The following CFH variants were observed in gnomAD, a reference collection of about 807,000 sequenced individuals.
CFH encodes complement factor H, also known as H factor 1 (complement).
Under a neutral mutation model 147.3 loss-of-function variants are expected in CFH, and 53 were observed. The ratio of observed to expected loss-of-function variants is 0.36; its 90% CI spans 0.29 to 0.45. The LOEUF (loss-of-function observed/expected upper bound fraction) is 0.45, where lower values mean the gene tolerates loss of function less well. CFH is among the 20% of genes least tolerant of loss of function. The pLI is 1.00. For missense variants in CFH, 1,380 were observed against 1,498.0 expected (o/e 0.92, Z 1.30); for synonymous variants, 536 against 489.4 (o/e 1.10, Z -1.26).
chr1:196,720,090 A>G (rs1668964407), intron 11 of CFH, among the ~76,000 whole-genome samples: 2 of 151,852 alleles, frequency 1.3e-5, no homozygotes, highest in Admixed American at 1.3e-4. Context: ...AGTCATCAAG[A>G]ATTATAAACA....
intron 9 of CFH, among the ~76,000 whole-genome samples, chr1:196,700,632 A>T (rs1485166042): frequency 1.4e-5 from 2 of 148,052 alleles, no homozygotes; most frequent in Non-Finnish European, 3.0e-5. Context: ...CCATCCTGGG[A>T]GACAGATTGA....
intron 2 of CFH, 68 bp downstream of exon 2, chr1:196,673,231 T>A (rs1343755936): frequency 2.3e-6 from 3 of 1,307,704 alleles, no homozygotes; most frequent in Non-Finnish European, 3.3e-6. Context: ...TTTAATATTG[T>A]AGCAATTATG....
At chr1:196,681,347 CACTTTGATACCT>C (rs3834020) in intron 6 of CFH, among the ~76,000 whole-genome samples, 33,861 of 151,310 alleles carry the variant, frequency 0.22, 4,490 homozygotes, top group East Asian at 0.51. Context: ...TTTACTTCTT[CACTTTGATACCT>C]ACTTAAAACT....
At position 196,737,070 on chromosome 1, in the gene CFH, C is replaced by T. The variant is rs428060; in HGVS notation, c.2596+64C>T. 12,643 of 1,371,492 alleles carry T rather than the reference C, an allele frequency of 9.2e-3. 700 individuals carry two copies. In the African/African-American group the frequency reaches 0.14, roughly 15 times the overall value. 85.0% of individuals were successfully genotyped at this position (1,371,492 alleles called of 1,614,324 possible). A position where few individuals can be genotyped will look rare whatever the true frequency, so the allele number is the denominator to read the frequency against. ...ATGAGGTTAATATTCTCTTGTGCTT[C>T]GTGTAAACAAGAGAGAAGTTCTTTC... On this transcript the variant is annotated intron_variant, in intron 16 of 21. Transcript: ENST00000367429.
At chr1:196,704,360 G>C (rs1312479956) in intron 9 of CFH, among the ~76,000 whole-genome samples, 1 of 152,156 alleles carries the variant, frequency 6.6e-6, no homozygotes, top group Admixed American at 6.5e-5. Flanking sequence ...CTCCCAAAGT[G>C]CTGGGAGCTG....
intron 1 of CFH, among the ~76,000 whole-genome samples, chr1:196,662,856 G>A (rs1157086376): frequency 1.3e-5 from 2 of 149,156 alleles, no homozygotes; most frequent in Non-Finnish European, 2.9e-5. Context: ...ACTCCAGCCT[G>A]GGCAATAGAG....
intron 17 of CFH, 34 bp from the exon 18 acceptor site, chr1:196,740,585 T>C (rs771369078): frequency 3.1e-6 from 5 of 1,602,750 alleles, no homozygotes; most frequent in South Asian, 2.2e-5. Context: ...AATTTATGAG[T>C]TAGTGAAACC....
intron 11 of CFH, among the ~76,000 whole-genome samples, chr1:196,717,617 A>G (rs537056517): frequency 6.6e-6 from 1 of 152,242 alleles, no homozygotes; most frequent in African/African-American, 2.4e-5. Context: ...TAACTCTTTC[A>G]AGATTCTGGC....
At chr1:196,739,568 C>T (rs1342302036) in intron 17 of CFH, among the ~76,000 whole-genome samples, 5 of 152,142 alleles carry the variant, frequency 3.3e-5, no homozygotes, top group Admixed American at 6.5e-5. Flanking sequence ...GTGACCACCC[C>T]ATCCTGGACT....
At chr1:196,736,712 CTATT>C (rs1371974272) in intron 15 of CFH, 108 bp from the exon 16 acceptor site, 5 of 418,842 alleles carry the variant, frequency 1.2e-5, no homozygotes, top group South Asian at 9.5e-5. Flanking sequence ...ATTGATCTTT[CTATT>C]TATTCTATTT....
intron 6 of CFH, 88 bp from the exon 7 acceptor site, chr1:196,684,976 A>T: frequency 9.7e-7 from 1 of 1,030,596 alleles, no homozygotes; most frequent in African/African-American, 1.6e-5. Context: ...GGACAAATAA[A>T]TAACACCCAC....
intron 11 of CFH, among the ~76,000 whole-genome samples, chr1:196,724,849 T>G (rs1301179669): frequency 6.6e-6 from 1 of 152,180 alleles, no homozygotes; most frequent in Non-Finnish European, 1.5e-5. Flanking sequence ...TTAATGTCAG[T>G]GATTAAAACT....
chr1:196,692,934 C>CTTTCCTTT (rs1668117626), intron 9 of CFH, among the ~76,000 whole-genome samples: 1 of 137,748 alleles, frequency 7.3e-6, no homozygotes, highest in Non-Finnish European at 1.5e-5. Context: ...TTCCTTCCTT[C>CTTTCCTTT]TTTCCTTTTG....
intron 11 of CFH, among the ~76,000 whole-genome samples, chr1:196,718,667 G>T (rs1365899081): frequency 6.6e-6 from 1 of 151,906 alleles, no homozygotes; most frequent in African/African-American, 2.4e-5. Flanking sequence ...CAATTTTGAG[G>T]GGTCTTCTTC....
intron 11 of CFH, among the ~76,000 whole-genome samples, chr1:196,723,201 C>A (rs905320920): frequency 6.6e-6 from 1 of 152,036 alleles, no homozygotes; most frequent in Non-Finnish European, 1.5e-5. Flanking sequence ...GATGAACTAT[C>A]CCTTCTTATT....
chr1:196,652,264 AG>A, intron 1 of CFH, 89 bp downstream of exon 1: 1 of 1,036,844 alleles, frequency 9.6e-7, no homozygotes. Context: ...AATTTGATTT[AG>A]AAAATGTGCT....
chr1:196,652,246 G>T, intron 1 of CFH, 71 bp downstream of exon 1: 1 of 1,222,232 alleles, frequency 8.2e-7, no homozygotes, highest in Non-Finnish European at 1.2e-6. Context: ...TTTCACAGGA[G>T]TAATAAAAAT....
At chr1:196,735,712 A>G (rs1489285899) in intron 15 of CFH, among the ~76,000 whole-genome samples, 1 of 152,130 alleles carries the variant, frequency 6.6e-6, no homozygotes, top group Non-Finnish European at 1.5e-5. Context: ...ATAGTTGACC[A>G]TTAATCTTAA....
chr1:196,667,272 T>C (rs1004072996), intron 1 of CFH, among the ~76,000 whole-genome samples: 6 of 152,212 alleles, frequency 3.9e-5, no homozygotes, highest in South Asian at 2.1e-4. Flanking sequence ...TCTCACAATA[T>C]GGTCAATTTC....
Sources: gnomAD v4.1 joint callset for allele counts (sites outside exome capture counted in the v4.1 genomes callset) on GRCh38, gnomAD v4.1.1 for gene constraint, MANE v1.5 for transcripts, NCBI Gene and HGNC (gene_info 2026-07-23, HGNC 2026-07-21) for gene names.